The following ARB2A variants were observed in gnomAD, a reference collection of about 807,000 sequenced individuals.
ARB2A encodes ARB2 cotranscriptional regulator A, also known as cotranscriptional regulator ARB2A.
chr5:93,755,245 T>C, the ARB2A span, among the ~76,000 whole-genome samples: 1 of 152,178 alleles, frequency 6.6e-6, no homozygotes, highest in African/African-American at 2.4e-5. Flanking sequence ...ATAATTAAAA[T>C]ATAGACTATA....
chr5:93,851,733 T>G, the ARB2A span, among the ~76,000 whole-genome samples: 3 of 152,190 alleles, frequency 2.0e-5, no homozygotes, highest in African/African-American at 7.2e-5. Context: ...GATAGTTTAC[T>G]GAGAATGATG....
At chr5:93,704,756 C>T in the ARB2A span, among the ~76,000 whole-genome samples, 38 of 152,296 alleles carry the variant, frequency 2.5e-4, no homozygotes, top group East Asian at 2.5e-3. Flanking sequence ...GGAGTGTGTC[C>T]CCTTTGCTCT....
the ARB2A span, among the ~76,000 whole-genome samples, chr5:93,624,339 C>T: frequency 6.6e-6 from 1 of 152,142 alleles, no homozygotes; most frequent in Non-Finnish European, 1.5e-5. Flanking sequence ...TTCACTACCA[C>T]CACTTTACCC....
the ARB2A span, among the ~76,000 whole-genome samples, chr5:93,834,870 A>C: frequency 1.3e-5 from 2 of 152,152 alleles, no homozygotes; most frequent in African/African-American, 4.8e-5. Context: ...AAACAGATTC[A>C]ATAGGAAAGG....
chr5:93,682,504 T>C, the ARB2A span, among the ~76,000 whole-genome samples: 2 of 126,640 alleles, frequency 1.6e-5, no homozygotes, highest in East Asian at 4.2e-4. Flanking sequence ...AGGCAAAAAG[T>C]TTTTTTTTTT....
At chr5:93,651,818 T>C in the ARB2A span, among the ~76,000 whole-genome samples, 6 of 152,188 alleles carry the variant, frequency 3.9e-5, no homozygotes, top group African/African-American at 9.6e-5. Context: ...GGTGGAATTA[T>C]ACTATGTAAG....
the ARB2A span, among the ~76,000 whole-genome samples, chr5:93,983,130 A>G: frequency 6.7e-6 from 1 of 149,424 alleles, no homozygotes; most frequent in African/African-American, 2.5e-5. Flanking sequence ...TATGTGGTCC[A>G]TTGTTGACCA....
chr5:93,807,451 T>C, the ARB2A span, among the ~76,000 whole-genome samples: 1 of 152,090 alleles, frequency 6.6e-6, no homozygotes, highest in East Asian at 1.9e-4. Flanking sequence ...GTATTACTTA[T>C]AATAATGAAT....
At chr5:94,077,621 C>T in the ARB2A span, among the ~76,000 whole-genome samples, 14 of 152,066 alleles carry the variant, frequency 9.2e-5, no homozygotes, top group Admixed American at 9.2e-4. Context: ...CACAGATAAA[C>T]ACTACTGAAA....
the ARB2A span, among the ~76,000 whole-genome samples, chr5:93,796,367 T>C: frequency 6.6e-6 from 1 of 152,164 alleles, no homozygotes; most frequent in African/African-American, 2.4e-5. Flanking sequence ...ATAGCACTAA[T>C]GTGATTGGCC....
the ARB2A span, among the ~76,000 whole-genome samples, chr5:94,102,252 A>C: frequency 6.6e-6 from 1 of 152,100 alleles, no homozygotes; most frequent in African/African-American, 2.4e-5. Flanking sequence ...AGAAAGCTGA[A>C]ACCCAATCCA....
the ARB2A span, among the ~76,000 whole-genome samples, chr5:93,825,880 A>G: frequency 6.6e-6 from 1 of 151,514 alleles, no homozygotes; most frequent in South Asian, 2.1e-4. Context: ...TATCTCTGTA[A>G]GCTAAAAATA....
chr5:93,906,211 T>C, the ARB2A span, among the ~76,000 whole-genome samples: 2 of 151,540 alleles, frequency 1.3e-5, no homozygotes, highest in Non-Finnish European at 3.0e-5. Context: ...AAATGAAGTA[T>C]TCCACTTGGC....
chr5:93,772,612 G>T, the ARB2A span, among the ~76,000 whole-genome samples: 1 of 152,178 alleles, frequency 6.6e-6, no homozygotes, highest in Non-Finnish European at 1.5e-5. Context: ...GAACACAGCT[G>T]AGTGATATTA....
chr5:93,822,722 A>T, the ARB2A span, among the ~76,000 whole-genome samples: 1 of 152,032 alleles, frequency 6.6e-6, no homozygotes, highest in African/African-American at 2.4e-5. Flanking sequence ...AAAGTACATC[A>T]TAGTAGTGTG....
chr5:93,825,306 CAAGAT>C, the ARB2A span, among the ~76,000 whole-genome samples: 123,720 of 151,398 alleles, frequency 0.82, 50,890 homozygotes, highest in East Asian at 0.95. Flanking sequence ...AGGGCACAAA[CAAGAT>C]AATTTTTTTT....
At chr5:94,019,272 C>A in the ARB2A span, among the ~76,000 whole-genome samples, 1 of 152,134 alleles carries the variant, frequency 6.6e-6, no homozygotes, top group South Asian at 2.1e-4. Context: ...ATGACTAAAA[C>A]ACCAAAAGCA....
chr5:94,086,548 T>C, the ARB2A span, among the ~76,000 whole-genome samples: 1 of 152,134 alleles, frequency 6.6e-6, no homozygotes, highest in African/African-American at 2.4e-5. Context: ...TAGGTGACTA[T>C]GTGTTTGGTT....
At chr5:93,807,608 A>G in the ARB2A span, among the ~76,000 whole-genome samples, 1 of 151,942 alleles carries the variant, frequency 6.6e-6, no homozygotes, top group African/African-American at 2.4e-5. Context: ...GTGGTAACCT[A>G]TTGCAAACAC....
Sources: gnomAD v4.1 joint callset for allele counts (sites outside exome capture counted in the v4.1 genomes callset) on GRCh38, gnomAD v4.1.1 for gene constraint, MANE v1.5 for transcripts, NCBI Gene and HGNC (gene_info 2026-07-23, HGNC 2026-07-21) for gene names.